Variants in PACRG observed in about 807,000 individuals in gnomAD.
PACRG encodes parkin coregulated gene protein.
Under a neutral mutation model 29.7 loss-of-function variants are expected in PACRG, and 29 were observed. The ratio of observed to expected loss-of-function variants is 0.98; its 90% CI spans 0.73 to 1.33. PACRG has a LOEUF of 1.33. Among genes scored for constraint, PACRG ranks in the 40% most tolerant of loss-of-function variants. The probability of loss-of-function intolerance (pLI) is 0.00; values close to 1 mark genes in which losing one functional copy is unlikely to be tolerated. For missense variants in PACRG, 279 were observed against 316.2 expected, an observed-to-expected ratio of 0.88 and a Z score of 0.89; for synonymous variants, 116 against 118.7, an observed-to-expected ratio of 0.98 and a Z score of 0.15.
intron 4 of PACRG, among the ~76,000 whole-genome samples, chr6:163,295,744 T>C (rs1186659576): frequency 6.6e-6 from 1 of 152,206 alleles, no homozygotes; most frequent in African/African-American, 2.4e-5. Flanking sequence ...GCTTTGCATA[T>C]ATACCCTATT....
At position 162,730,064 on chromosome 6, in the gene PACRG, T is replaced by TC. The variant is rs1554267986; in HGVS notation, c.156+1673_156+1674insC. ...TTTATTCAGTCAACAACTGTCTCTC[T>TC]TTTTTTTTTTTTTAATACCCAGTGT... On this transcript the variant is annotated intron_variant, in intron 1 of 4. Transcript: ENST00000366888. Among the ~76,000 whole-genome samples the TC allele has an allele frequency of 2.4e-3, 177 of 73,690 alleles. 1 individual carries two copies. The highest frequency in any genetic ancestry group is 3.0e-3 in the Non-Finnish European group (121 of 40,476). The allele number at this position is 73,690 out of a possible 152,430, so 48.3% of individuals were successfully genotyped here. A position where few individuals can be genotyped will look rare whatever the true frequency, so the allele number is the denominator to read the frequency against.
intron 4 of PACRG, among the ~76,000 whole-genome samples, chr6:163,161,408 G>A (rs751334808): frequency 1.1e-4 from 16 of 152,050 alleles, no homozygotes; most frequent in Admixed American, 6.5e-4. Flanking sequence ...GTGATGCCTC[G>A]CAGAACATGC....
chr6:163,191,905 G>T, intron 4 of PACRG: 1 of 394,502 alleles, frequency 2.5e-6, no homozygotes, highest in South Asian at 1.9e-5. Flanking sequence ...TAAGCTTCCT[G>T]AAGACTGTCC....
chr6:163,248,989 C>A (rs1357562377), intron 4 of PACRG, among the ~76,000 whole-genome samples: 1 of 140,582 alleles, frequency 7.1e-6, no homozygotes, highest in Non-Finnish European at 1.5e-5. Flanking sequence ...GCACTCCAGC[C>A]TGGGCAAGAG....
At chr6:162,795,268 G>A (rs538577844) in intron 1 of PACRG, among the ~76,000 whole-genome samples, 5 of 152,168 alleles carry the variant, frequency 3.3e-5, no homozygotes, top group South Asian at 4.2e-4. Flanking sequence ...TGTGCTGGCC[G>A]CTGTATGACT....
At chr6:162,789,488 A>G (rs1168496780) in intron 1 of PACRG, among the ~76,000 whole-genome samples, 1 of 152,192 alleles carries the variant, frequency 6.6e-6, no homozygotes, top group Non-Finnish European at 1.5e-5. Flanking sequence ...GAAGGTTACT[A>G]TAAAAATCCA....
chr6:163,284,394 C>T (rs1322762370), intron 4 of PACRG, among the ~76,000 whole-genome samples: 1 of 152,184 alleles, frequency 6.6e-6, no homozygotes, highest in Non-Finnish European at 1.5e-5. Context: ...TCTGGCCCCA[C>T]AGAGTTCACG....
intron 2 of PACRG, among the ~76,000 whole-genome samples, chr6:163,058,535 G>A (rs558415734): frequency 1.3e-5 from 2 of 152,192 alleles, no homozygotes; most frequent in South Asian, 4.1e-4. Flanking sequence ...CACTTTGGGA[G>A]GCCGAGGTGG....
intron 2 of PACRG, among the ~76,000 whole-genome samples, chr6:162,829,436 T>G (rs990019809): frequency 2.0e-4 from 30 of 152,268 alleles, no homozygotes; most frequent in African/African-American, 7.2e-4. Flanking sequence ...ACTATTCATT[T>G]GTTTGTTCTG....
At chr6:162,841,339 G>A (rs1332943146) in intron 2 of PACRG, among the ~76,000 whole-genome samples, 3 of 150,732 alleles carry the variant, frequency 2.0e-5, no homozygotes, top group South Asian at 2.1e-4. Context: ...TGTATGTGTC[G>A]AGGAATTTAT....
chr6:162,940,162 A>G (rs1049515890), intron 2 of PACRG, among the ~76,000 whole-genome samples: 4 of 152,186 alleles, frequency 2.6e-5, no homozygotes, highest in African/African-American at 7.2e-5. Context: ...TATTCATGCT[A>G]ACGCTCAGAG....
chr6:162,905,693 T>C (rs532729357), intron 2 of PACRG, among the ~76,000 whole-genome samples: 1 of 152,288 alleles, frequency 6.6e-6, no homozygotes, highest in East Asian at 1.9e-4. Flanking sequence ...TTAATTTTAT[T>C]TATATAGCCA....
At chr6:163,248,765 G>A (rs768364357) in intron 4 of PACRG, among the ~76,000 whole-genome samples, 14 of 152,230 alleles carry the variant, frequency 9.2e-5, no homozygotes, top group Middle Eastern at 3.4e-3. Flanking sequence ...CACTTAAGAC[G>A]AAGCTGAGGG....
At position 163,280,157 on chromosome 6, in the gene PACRG, C is replaced by G. The variant is rs149454752; in HGVS notation, c.614-34670C>G. On this transcript the variant is annotated intron_variant, in intron 4 of 4. Transcript: ENST00000366888. ...CAGTCTCCTTTCCATCCTCCCAGATCTAGCAGCTCATGCTGTGTGCATGGG... is the reference window on the plus strand; with the variant it reads ...CAGTCTCCTTTCCATCCTCCCAGATGTAGCAGCTCATGCTGTGTGCATGGG... 4.5e-3 allele frequency among the ~76,000 whole-genome samples: 692 copies of G among 152,364 alleles called. 4 individuals carry two copies. Among genetic ancestry groups the G allele is most frequent in the Middle Eastern group, 0.024 (7 of 294 alleles).
chr6:163,114,104 GT>G (rs1229526354), intron 4 of PACRG, among the ~76,000 whole-genome samples: 2 of 152,156 alleles, frequency 1.3e-5, no homozygotes, highest in East Asian at 3.9e-4. Context: ...ATAAAAACTA[GT>G]TGGGCATGGT....
chr6:162,818,432 TG>T (rs1219573993), intron 2 of PACRG, among the ~76,000 whole-genome samples: 1 of 152,102 alleles, frequency 6.6e-6, no homozygotes, highest in East Asian at 1.9e-4. Flanking sequence ...TATGGGCACC[TG>T]GGGAGGGAAG....
intron 4 of PACRG, among the ~76,000 whole-genome samples, chr6:163,201,007 G>C (rs1780676194): frequency 6.6e-6 from 1 of 152,204 alleles, no homozygotes; most frequent in Non-Finnish European, 1.5e-5. Context: ...CAGCAGTTCA[G>C]GTCTCTTCAC....
chr6:162,796,361 T>C (rs562986222), intron 1 of PACRG, among the ~76,000 whole-genome samples: 4 of 152,268 alleles, frequency 2.6e-5, no homozygotes, highest in Admixed American at 6.5e-5. Context: ...GAGATGTTGG[T>C]CCAGGTTCTG....
chr6:163,161,019 G>A (rs1585279780), intron 4 of PACRG, among the ~76,000 whole-genome samples: 2 of 152,142 alleles, frequency 1.3e-5, no homozygotes, highest in South Asian at 2.1e-4. Context: ...GTTAGGAAGC[G>A]GCAAAGCCAG....
Sources: gnomAD v4.1 joint callset for allele counts (sites outside exome capture counted in the v4.1 genomes callset) on GRCh38, gnomAD v4.1.1 for gene constraint, MANE v1.5 for transcripts, NCBI Gene and HGNC (gene_info 2026-07-23, HGNC 2026-07-21) for gene names.